JAKMIP2: variants seen among roughly 807,000 people sequenced by gnomAD.
The protein encoded by JAKMIP2 is janus kinase and microtubule-interacting protein 2.
In JAKMIP2, 25 loss-of-function variants were observed where a neutral mutation model predicts 115.0. The ratio of observed to expected loss-of-function variants is 0.22; its 90% CI spans 0.16 to 0.30. JAKMIP2 has a LOEUF of 0.30. Among genes scored for constraint, JAKMIP2 ranks in the 10% least tolerant of loss-of-function variants. JAKMIP2 has a pLI of 1.00. For missense variants in JAKMIP2, 642 were observed against 957.6 expected, an observed-to-expected ratio of 0.67 and a Z score of 4.35; for synonymous variants, 334 against 343.6, an observed-to-expected ratio of 0.97 and a Z score of 0.31.
chr5:147,702,677 AG>A (rs1273311193), intron 1 of JAKMIP2, among the ~76,000 whole-genome samples: 1 of 141,214 alleles, frequency 7.1e-6, no homozygotes, highest in Non-Finnish European at 1.5e-5. Flanking sequence ...AGAGAAAGAA[AG>A]AGAAAGAAAG....
chr5:147,780,868 G>A (rs12655202), intron 1 of JAKMIP2, among the ~76,000 whole-genome samples: 19,327 of 152,138 alleles, frequency 0.13, 1,755 homozygotes, highest in East Asian at 0.39. Context: ...CAATGATATT[G>A]TTAGAGAAGA....
chr5:147,711,341 C>T (rs536892453), intron 1 of JAKMIP2, among the ~76,000 whole-genome samples: 17 of 152,266 alleles, frequency 1.1e-4, no homozygotes, highest in African/African-American at 4.1e-4. Flanking sequence ...TTAGTTCATT[C>T]AACAAGTATT....
intron 10 of JAKMIP2, among the ~76,000 whole-genome samples, chr5:147,637,276 C>T (rs931481673): frequency 6.6e-6 from 1 of 151,982 alleles, no homozygotes; most frequent in Non-Finnish European, 1.5e-5. Flanking sequence ...CATTATATTT[C>T]CAATCTTTTC....
chr5:147,754,617 A>C (rs2127030843), intron 1 of JAKMIP2, among the ~76,000 whole-genome samples: 1 of 152,208 alleles, frequency 6.6e-6, no homozygotes, highest in South Asian at 2.1e-4. Context: ...TGGGTGATAC[A>C]AGCAAACAGC....
At chr5:147,745,104 T>C (rs1754304504) in intron 1 of JAKMIP2, among the ~76,000 whole-genome samples, 2 of 150,676 alleles carry the variant, frequency 1.3e-5, no homozygotes, top group Admixed American at 6.6e-5. Flanking sequence ...CAGCACCTAT[T>C]GTAGATTCTG....
chr5:147,598,226 C>G (rs1169027478), intron 21 of JAKMIP2, among the ~76,000 whole-genome samples: 4 of 152,074 alleles, frequency 2.6e-5, no homozygotes, highest in Non-Finnish European at 5.9e-5. Context: ...GTTTTGAACT[C>G]CTGACCTTGT....
chr5:147,673,061 G>A (rs1451093025), intron 1 of JAKMIP2, among the ~76,000 whole-genome samples: 1 of 152,144 alleles, frequency 6.6e-6, no homozygotes, highest in African/African-American at 2.4e-5. Flanking sequence ...TTATTCTGGT[G>A]GCAGAATGGA....
intron 20 of JAKMIP2, among the ~76,000 whole-genome samples, chr5:147,606,911 T>A (rs1246865325): frequency 6.6e-6 from 1 of 152,216 alleles, no homozygotes; most frequent in Non-Finnish European, 1.5e-5. Flanking sequence ...TAAGTTGTAT[T>A]CCTAGGTATT....
intron 1 of JAKMIP2, among the ~76,000 whole-genome samples, chr5:147,709,840 A>T (rs1469952438): frequency 6.6e-6 from 1 of 152,176 alleles, no homozygotes; most frequent in Non-Finnish European, 1.5e-5. Context: ...ACAGCGCAAG[A>T]TTCCATCTCA....
chr5:147,764,713 C>A (rs533875659), intron 1 of JAKMIP2, among the ~76,000 whole-genome samples: 42 of 151,400 alleles, frequency 2.8e-4, no homozygotes, highest in African/African-American at 9.2e-4. Flanking sequence ...TGGTGAAACC[C>A]TGTCTCTACT....
At chr5:147,612,148 T>C (rs1321440629) in intron 20 of JAKMIP2, 158 bp downstream of exon 20, 1 of 743,950 alleles carries the variant, frequency 1.3e-6, no homozygotes, top group East Asian at 2.5e-5. Flanking sequence ...TTGCTGGCAT[T>C]CTGTTTGACT....
chr5:147,647,760 G>A (rs1758197305), intron 5 of JAKMIP2, among the ~76,000 whole-genome samples: 1 of 152,106 alleles, frequency 6.6e-6, no homozygotes, highest in Non-Finnish European at 1.5e-5. Context: ...AACTATTGAT[G>A]CTGACTACAT....
chr5:147,776,709 C>T (rs897712571), intron 1 of JAKMIP2, among the ~76,000 whole-genome samples: 1 of 152,166 alleles, frequency 6.6e-6, no homozygotes, highest in African/African-American at 2.4e-5. Flanking sequence ...AGGCAGATCA[C>T]TTGAGGTCAG....
chr5:147,625,273 G>C (rs1183772762), intron 16 of JAKMIP2, among the ~76,000 whole-genome samples: 2 of 152,102 alleles, frequency 1.3e-5, no homozygotes, highest in Admixed American at 6.6e-5. Context: ...GAGCCACTGC[G>C]CCCAGCCCCA....
intron 1 of JAKMIP2, among the ~76,000 whole-genome samples, chr5:147,702,084 T>C (rs1425232835): frequency 2.6e-5 from 4 of 152,168 alleles, no homozygotes; most frequent in Non-Finnish European, 2.9e-5. Flanking sequence ...AGTCGAAACA[T>C]GATCCAGAGC....
chr5:147,739,269 T>A (rs1257975023), intron 1 of JAKMIP2, among the ~76,000 whole-genome samples: 1 of 152,074 alleles, frequency 6.6e-6, no homozygotes, highest in Non-Finnish European at 1.5e-5. Context: ...GGCGAGGTGC[T>A]GCGGCATCTG....
At chr5:147,748,013 T>C (rs1456479733) in intron 1 of JAKMIP2, among the ~76,000 whole-genome samples, 1 of 152,168 alleles carries the variant, frequency 6.6e-6, no homozygotes, top group African/African-American at 2.4e-5. Context: ...ATAACAATAA[T>C]TGGGAACATT....
chr5:147,739,901 C>T (rs1295462426), intron 1 of JAKMIP2, among the ~76,000 whole-genome samples: 2 of 152,182 alleles, frequency 1.3e-5, no homozygotes, highest in Non-Finnish European at 2.9e-5. Flanking sequence ...AGCCCCTGCC[C>T]ATTTTCCACC....
chr5:147,705,484 C>A (rs1752526176), intron 1 of JAKMIP2, among the ~76,000 whole-genome samples: 1 of 151,888 alleles, frequency 6.6e-6, no homozygotes, highest in Admixed American at 6.6e-5. Flanking sequence ...CCATGAGAAT[C>A]ATTTGAGCCT....
Sources: gnomAD v4.1 joint callset for allele counts (sites outside exome capture counted in the v4.1 genomes callset) on GRCh38, gnomAD v4.1.1 for gene constraint, MANE v1.5 for transcripts, NCBI Gene and HGNC (gene_info 2026-07-23, HGNC 2026-07-21) for gene names.